FHIT: variants seen among roughly 807,000 people sequenced by gnomAD.
The protein encoded by FHIT is fragile histidine triad diadenosine triphosphatase.
Under a neutral mutation model 17.9 loss-of-function variants are expected in FHIT, and 19 were observed. The observed-to-expected ratio is 1.06, with a 90% CI of 0.74 to 1.56. The LOEUF (loss-of-function observed/expected upper bound fraction) is 1.56. Ranked by LOEUF, FHIT falls within the 40% of genes most tolerant of loss-of-function variation. The pLI is 0.00. For missense variants in FHIT, 248 were observed against 189.2 expected (o/e 1.31, Z -1.82); for synonymous variants, 81 against 69.7 (o/e 1.16, Z -0.81).
chr3:60,860,219 A>G (rs566143100), intron 3 of FHIT, among the ~76,000 whole-genome samples: 4 of 138,602 alleles, frequency 2.9e-5, no homozygotes, highest in African/African-American at 8.4e-5. Context: ...GGTATACATG[A>G]GATACATCAT....
At chr3:60,031,493 A>G (rs369014129) in intron 5 of FHIT, among the ~76,000 whole-genome samples, 15 of 152,328 alleles carry the variant, frequency 9.8e-5, no homozygotes, top group African/African-American at 2.9e-4. Context: ...TCTGGATTCC[A>G]ATTCCATTTT....
At chr3:59,857,310 C>G (rs1445006623) in intron 8 of FHIT, among the ~76,000 whole-genome samples, 1 of 152,246 alleles carries the variant, frequency 6.6e-6, no homozygotes, top group Admixed American at 6.5e-5. Context: ...CTAATGAGAT[C>G]AGATATGTCA....
chr3:59,977,368 G>C (rs1708460496), intron 7 of FHIT, among the ~76,000 whole-genome samples: 1 of 152,040 alleles, frequency 6.6e-6, no homozygotes, highest in African/African-American at 2.4e-5. Flanking sequence ...ACAACATTTT[G>C]ATTGATTTTT....
intron 5 of FHIT, among the ~76,000 whole-genome samples, chr3:60,522,127 GAC>G (rs2035394781): frequency 3.1e-5 from 2 of 65,518 alleles, no homozygotes; most frequent in South Asian, 5.1e-4. Context: ...TTTTTTTTCT[GAC>G]ACAGAGTCTT....
intron 8 of FHIT, among the ~76,000 whole-genome samples, chr3:59,807,185 A>G (rs1700237030): frequency 6.6e-6 from 1 of 152,206 alleles, no homozygotes; most frequent in South Asian, 2.1e-4. Flanking sequence ...ACATTTTGGA[A>G]TGTTGTATTC....
chr3:60,088,895 T>G (rs1576072968), intron 5 of FHIT, among the ~76,000 whole-genome samples: 1 of 152,174 alleles, frequency 6.6e-6, no homozygotes, highest in African/African-American at 2.4e-5. Context: ...AATAAATATT[T>G]ATTAAATGAA....
chr3:60,406,657 A>G (rs2107209274), intron 5 of FHIT, among the ~76,000 whole-genome samples: 1 of 149,518 alleles, frequency 6.7e-6, no homozygotes, highest in Admixed American at 6.7e-5. Context: ...GGAGAAGCCA[A>G]ATTCTAGAGA....
At chr3:61,226,060 A>G (rs955129178) in intron 1 of FHIT, among the ~76,000 whole-genome samples, 3 of 152,102 alleles carry the variant, frequency 2.0e-5, no homozygotes, top group African/African-American at 7.2e-5. Context: ...CACATTTCCA[A>G]TTTTCTACTA....
In FHIT at chr3:60,563,238, T is replaced by G. The variant is rs556983092; in HGVS notation, c.-17-26259A>C. On this transcript the variant is annotated intron_variant, in intron 4 of 9. Transcript: ENST00000492590. ...CAGTGCACTTATTCTGGATATGTCT[T>G]GGGAGAAGAGCTAATAATACTTACT... 5.5e-4 allele frequency among the ~76,000 whole-genome samples: 84 copies of G among 152,224 alleles called. 1 individual carries two copies. Among genetic ancestry groups the G allele is most frequent in the African/African-American group, 2.0e-3 (82 of 41,532 alleles).
At chr3:60,066,322 C>T (rs1234301313) in intron 5 of FHIT, among the ~76,000 whole-genome samples, 1 of 152,178 alleles carries the variant, frequency 6.6e-6, no homozygotes, top group Non-Finnish European at 1.5e-5. Flanking sequence ...TATCTAAGAG[C>T]TTCCCATTCC....
At chr3:59,815,074 G>A (rs74410963) in intron 8 of FHIT, among the ~76,000 whole-genome samples, 4,029 of 152,156 alleles carry the variant, frequency 0.026, 186 homozygotes, top group African/African-American at 0.091. Flanking sequence ...CACCTGCTTC[G>A]GAGAACCTGG....
Position 60,804,459 on chromosome 3 carries a change from C to G in FHIT, c.-18+17460G>C, listed in dbSNP as rs187752178. Among the ~76,000 whole-genome samples, 151 of 152,310 alleles carry G rather than the reference C, an allele frequency of 9.9e-4. 4 individuals carry two copies. The South Asian group carries it at 0.03, about 30-fold the overall frequency. ...GATGCCTAGGTTCAAATCCCAGCTCCACCATTCATTAGTAATTGGCAAGTA... is the reference window on the plus strand; with the variant it reads ...GATGCCTAGGTTCAAATCCCAGCTCGACCATTCATTAGTAATTGGCAAGTA... On this transcript the variant is annotated intron_variant, in intron 4 of 9. Transcript: ENST00000492590.
intron 5 of FHIT, among the ~76,000 whole-genome samples, chr3:60,164,739 A>C (rs897184359): frequency 6.6e-6 from 1 of 152,114 alleles, no homozygotes; most frequent in Non-Finnish European, 1.5e-5. Flanking sequence ...GTGCTTTGCC[A>C]GTGTTTTCTC....
At chr3:59,779,296 G>A (rs1329543873) in intron 8 of FHIT, among the ~76,000 whole-genome samples, 1 of 152,208 alleles carries the variant, frequency 6.6e-6, no homozygotes, top group African/African-American at 2.4e-5. Flanking sequence ...GGAAGAGAGA[G>A]AGTTGTTCTG....
At chr3:60,090,774 G>A (rs1703698312) in intron 5 of FHIT, among the ~76,000 whole-genome samples, 1 of 152,172 alleles carries the variant, frequency 6.6e-6, no homozygotes, top group South Asian at 2.1e-4. Context: ...GACTTTGGGT[G>A]AAACATACAT....
chr3:60,534,372 G>T (rs1165625044), intron 5 of FHIT, among the ~76,000 whole-genome samples: 4 of 139,844 alleles, frequency 2.9e-5, no homozygotes, highest in South Asian at 2.4e-4. Context: ...AGCGGAGCTT[G>T]CAGTGAGCCG....
intron 2 of FHIT, among the ~76,000 whole-genome samples, chr3:61,099,962 G>A (rs970444761): frequency 4.6e-5 from 7 of 152,084 alleles, no homozygotes; most frequent in African/African-American, 1.7e-4. Flanking sequence ...CCGAATCCTT[G>A]CTGATGCTTG....
intron 2 of FHIT, among the ~76,000 whole-genome samples, chr3:61,194,563 C>T (rs189175572): frequency 1.3e-5 from 2 of 152,262 alleles, no homozygotes; most frequent in South Asian, 2.1e-4. Context: ...AAAGGCAATA[C>T]CAAACGGCTT....
chr3:60,741,854 A>G (rs1004124171), intron 4 of FHIT, among the ~76,000 whole-genome samples: 125 of 152,338 alleles, frequency 8.2e-4, no homozygotes, highest in African/African-American at 2.9e-3. Context: ...GGTATAATGT[A>G]TGGTATAATA....
Sources: gnomAD v4.1 joint callset for allele counts (sites outside exome capture counted in the v4.1 genomes callset) on GRCh38, gnomAD v4.1.1 for gene constraint, MANE v1.5 for transcripts, NCBI Gene and HGNC (gene_info 2026-07-23, HGNC 2026-07-21) for gene names.